EXOC6: variants seen among roughly 807,000 people sequenced by gnomAD.
The protein encoded by EXOC6 is exocyst complex component 6.
Under a neutral mutation model 112.5 loss-of-function variants are expected in EXOC6, and 60 were observed. The observed-to-expected ratio is 0.53, with a 90% confidence interval of 0.43 to 0.66. The LOEUF is 0.66. EXOC6 is among the 30% of genes least tolerant of loss of function. The pLI, the probability that EXOC6 is intolerant of heterozygous loss-of-function variation, is 0.00. For synonymous variants in EXOC6, 295 were observed against 308.0 expected, an observed-to-expected ratio of 0.96 and a Z score of 0.44; for missense variants, 855 against 957.1, an observed-to-expected ratio of 0.89 and a Z score of 1.41.
At chr10:92,936,989 A>G (rs1244707778) in intron 12 of EXOC6, among the ~76,000 whole-genome samples, 1 of 152,228 alleles carries the variant, frequency 6.6e-6, no homozygotes, top group Non-Finnish European at 1.5e-5. Context: ...GATATTAGGA[A>G]CAATGTCACC....
At chr10:92,931,593 C>T (rs562420390) in intron 9 of EXOC6, among the ~76,000 whole-genome samples, 32 of 150,770 alleles carry the variant, frequency 2.1e-4, no homozygotes, top group African/African-American at 6.8e-4. Context: ...GTCCATTCCA[C>T]GCTCTAGGAA....
intron 1 of EXOC6, among the ~76,000 whole-genome samples, chr10:92,889,344 C>T (rs1335237683): frequency 6.6e-6 from 1 of 152,046 alleles, no homozygotes; most frequent in Non-Finnish European, 1.5e-5. Context: ...TTTTAGGTTT[C>T]TAGCAAGATT....
chr10:92,946,754 TGC>T (rs1394091798), intron 13 of EXOC6, among the ~76,000 whole-genome samples: 1 of 152,248 alleles, frequency 6.6e-6, no homozygotes, highest in Non-Finnish European at 1.5e-5. Flanking sequence ...CTTGTGCCTT[TGC>T]GTATATATTC....
chr10:92,850,724 A>T (rs1847284632), intron 1 of EXOC6, among the ~76,000 whole-genome samples: 1 of 152,216 alleles, frequency 6.6e-6, no homozygotes, highest in Admixed American at 6.5e-5. Flanking sequence ...AGGAAATCCA[A>T]GACATCAATT....
intron 18 of EXOC6, among the ~76,000 whole-genome samples, chr10:92,975,055 C>A (rs1029783234): frequency 2.6e-5 from 4 of 151,420 alleles, no homozygotes; most frequent in Admixed American, 2.0e-4. Context: ...AGCCCCTCTG[C>A]CTGGCTGCCC....
rs905576636 is a variant in EXOC6 at position 93,010,634 on chromosome 10, G to A, written c.2096-3560G>A. On this transcript the variant is annotated intron_variant, in intron 19 of 21. Coordinates refer to ENST00000260762, the MANE Select transcript of EXOC6 (RefSeq NM_019053.6). ...GAAACGCTTGAACCTGGGAGAAGGA[G>A]GTTGTAGTGAGCCAAGATTGCGCCA... Among the ~76,000 whole-genome samples, 3 of 150,384 alleles carry A rather than the reference G, an allele frequency of 2.0e-5. No homozygotes were observed. The East Asian group carries it at 6.2e-4, about 31-fold the overall frequency.
chr10:93,013,708 A>C (rs547624926), intron 19 of EXOC6, among the ~76,000 whole-genome samples: 1 of 152,264 alleles, frequency 6.6e-6, no homozygotes, highest in Non-Finnish European at 1.5e-5. Context: ...TATTGTCTGC[A>C]TGTAAAGTTG....
At chr10:92,982,900 A>G (rs1842877341) in intron 18 of EXOC6, among the ~76,000 whole-genome samples, 1 of 152,138 alleles carries the variant, frequency 6.6e-6, no homozygotes, top group African/African-American at 2.4e-5. Flanking sequence ...TTTAATTTGC[A>G]TTTTTAGTTT....
chr10:92,975,280 C>T (rs540514071), intron 18 of EXOC6, among the ~76,000 whole-genome samples: 1 of 151,142 alleles, frequency 6.6e-6, no homozygotes, highest in Admixed American at 6.6e-5. Flanking sequence ...AGGTGAGGAG[C>T]GTCTCTGCTC....
chr10:93,005,505 A>T (rs1590022140), intron 19 of EXOC6, among the ~76,000 whole-genome samples: 1 of 152,210 alleles, frequency 6.6e-6, no homozygotes. Flanking sequence ...TTATAGATAT[A>T]ACCATATAGA....
chr10:92,977,577 C>T (rs749084175), intron 18 of EXOC6, among the ~76,000 whole-genome samples: 2 of 152,004 alleles, frequency 1.3e-5, no homozygotes, highest in Non-Finnish European at 2.9e-5. Flanking sequence ...ATAGTTTATA[C>T]TAAATGATTG....
At chr10:93,044,679 T>C (rs976524928) in intron 20 of EXOC6, among the ~76,000 whole-genome samples, 1 of 152,304 alleles carries the variant, frequency 6.6e-6, no homozygotes, top group East Asian at 1.9e-4. Flanking sequence ...AAAGATTTAT[T>C]GCCAAAATTG....
intron 15 of EXOC6, 100 bp from the exon 16 acceptor site, chr10:92,954,530 T>A: frequency 3.7e-6 from 2 of 539,074 alleles, no homozygotes; most frequent in Non-Finnish European, 6.3e-6. Context: ...AAAATAATGA[T>A]GGGGAAAATT....
chr10:92,988,428 T>A (rs1843096699), intron 18 of EXOC6, among the ~76,000 whole-genome samples: 1 of 152,208 alleles, frequency 6.6e-6, no homozygotes, highest in South Asian at 2.1e-4. Flanking sequence ...TTCTTTCTGT[T>A]CTTATTCCTG....
intron 5 of EXOC6, among the ~76,000 whole-genome samples, chr10:92,903,658 G>A (rs1478882546): frequency 6.6e-6 from 1 of 151,606 alleles, no homozygotes; most frequent in Admixed American, 6.6e-5. Context: ...TTATTTTTTA[G>A]AGCAGTTTTA....
At chr10:92,856,057 G>T (rs917691785) in intron 1 of EXOC6, among the ~76,000 whole-genome samples, 1 of 151,786 alleles carries the variant, frequency 6.6e-6, no homozygotes, top group Admixed American at 6.6e-5. Context: ...TAGAGATAGG[G>T]TTTGCCACGT....
At chr10:92,997,392 G>A in intron 18 of EXOC6, 82 bp from the exon 19 acceptor site, 2 of 1,308,498 alleles carry the variant, frequency 1.5e-6, no homozygotes, top group South Asian at 1.5e-5. Context: ...AAGAATGCCA[G>A]GTGTATGATT....
intron 1 of EXOC6, among the ~76,000 whole-genome samples, chr10:92,872,499 C>T (rs1303850430): frequency 2.6e-5 from 4 of 151,878 alleles, no homozygotes; most frequent in African/African-American, 7.2e-5. Flanking sequence ...ACATACATGC[C>T]TTATTAATTA....
intron 1 of EXOC6, among the ~76,000 whole-genome samples, chr10:92,888,607 T>C (rs1413186544): frequency 1.3e-5 from 2 of 152,238 alleles, no homozygotes; most frequent in Non-Finnish European, 2.9e-5. Flanking sequence ...AATGTGATAA[T>C]TGTAATATAA....
Sources: gnomAD v4.1 joint callset for allele counts (sites outside exome capture counted in the v4.1 genomes callset) on GRCh38, gnomAD v4.1.1 for gene constraint, MANE v1.5 for transcripts, NCBI Gene and HGNC (gene_info 2026-07-23, HGNC 2026-07-21) for gene names.